The following MAGEE2 variants were observed in gnomAD, a reference collection of about 807,000 sequenced individuals.
MAGEE2 encodes melanoma-associated antigen E2.
For missense variants in MAGEE2, 508 were observed against 391.1 expected (o/e 1.30, Z -2.52); for synonymous variants, 189 against 155.4 (o/e 1.22, Z -1.61).
chrX:75,784,116 A>T lies in MAGEE2; in HGVS notation c.936T>A (p.Asn312Lys). Residue 312 changes from asparagine (N) to lysine (K), a missense_variant, in exon 1 of 1, where the codon AAT becomes AAA. By Grantham distance (94) the Asn-to-Lys change is moderately conservative (BLOSUM62 0). Transcript: ENST00000373359. The part of the protein sequence containing the change: ...GLEFWSEDTM[N>K]DKANDLVQLA... ...ACTGGACCAAATCATTTGCCTTATC[A>T]TTCATAGTGTCCTCCGACCAGAACT... The T allele has an allele frequency of 5.0e-6, 6 of 1,211,662 alleles. No homozygotes were observed. The highest frequency in any genetic ancestry group is 6.7e-6 in the Non-Finnish European group (6 of 895,605).
Position 75,784,346 on chromosome X carries a change from A to T in MAGEE2, c.706T>A (p.Leu236Met). Residue 236 changes from leucine (L) to methionine (M), a missense_variant, in exon 1 of 1, where the codon TTG becomes ATG. Coordinates refer to ENST00000373359, the MANE Select transcript of MAGEE2 (RefSeq NM_138703.5). The stretch of plus-strand genomic sequence containing the variant: ...GTGCCATACACCGGCCAGTACTCCA[A>T]GAATCGCATGCACACAAAGTCAGTA... ...LTTDFVCMRF[L>M]EYWPVYGTNP... 8.3e-7 allele frequency: 1 copy of T among 1,211,909 alleles called. No homozygotes were observed. The highest frequency in any genetic ancestry group is 1.1e-6 in the Non-Finnish European group (1 of 895,560).
rs753136353 is a variant in MAGEE2, at chrX:75,784,989, G to A, written c.63C>T (p.Asp21=). Residue 21 remains aspartate (D), a synonymous_variant, in exon 1 of 1, where the codon GAC becomes GAT. Transcript: ENST00000373359. ...TAGTAGCTTGTATTTCACCTCTGCC[G>A]TCGCCGTAATCTGCAGTGATCTCTG... ...CSAEITADYG[D]GRGEIQATNA... is the part of the protein sequence containing the mutation. 8 of 1,143,724 alleles carry A rather than the reference G, an allele frequency of 7.0e-6. No individual in the cohort carries two copies. Among genetic ancestry groups the A allele is most frequent in the Non-Finnish European group, 9.3e-6 (8 of 863,542 alleles). The allele number at this position is 1,143,724 out of a possible 1,213,427, so 94.3% of individuals were successfully genotyped here.
Position 75,783,498 on chromosome X carries a change from A to G in MAGEE2, c.1554T>C (p.Phe518=). The G allele has an allele frequency of 8.3e-7, 1 of 1,206,820 alleles. No homozygotes were observed. The highest frequency in any genetic ancestry group is 2.3e-4 in the Middle Eastern group (1 of 4,325). ...CTAGACTTCACGTGGGGTCAAGGAAAAACATGATAGTTGCCTCAGATTTGG... is the reference window on the plus strand; with the variant it reads ...CTAGACTTCACGTGGGGTCAAGGAAGAACATGATAGTTGCCTCAGATTTGG... ...ARAKSEATIM[F]FLDPT is the part of the protein sequence containing the mutation. The change falls in exon 1 of 1, where the codon TTT becomes TTC. Residue 518 remains phenylalanine (F), a synonymous_variant. Transcript: ENST00000373359.
Position 75,784,804 on chromosome X carries a change from C to G in MAGEE2, c.248G>C (p.Arg83Thr). 2 of 1,211,673 alleles carry G rather than the reference C, an allele frequency of 1.7e-6. No homozygotes were observed. Among genetic ancestry groups the G allele is most frequent in the South Asian group, 3.5e-5 (2 of 56,967 alleles). ...DEQSRRLGALRVHDPLEDRSI... is the reference protein window; with the variant it reads ...DEQSRRLGALTVHDPLEDRSI... Reference sequence around the variant, plus strand: ...CCTGTCTTCTAGAGGGTCATGGACCCTGAGCGCCCCCAAACGTCTGGACTG... The same window carrying G: ...CCTGTCTTCTAGAGGGTCATGGACCGTGAGCGCCCCCAAACGTCTGGACTG... The change falls in exon 1 of 1, where the codon AGG becomes ACG. Residue 83 changes from arginine to threonine, a missense_variant. Arg to Thr is a moderately conservative substitution (Grantham distance 71). Transcript: ENST00000373359.
Position 75,784,592 on chromosome X carries a change from A to G in MAGEE2, c.460T>C (p.Tyr154His). Residue 154 changes from tyrosine (Y) to histidine (H), a missense_variant, in exon 1 of 1, where the codon TAC becomes CAC. By Grantham distance (83) the Tyr-to-His change is moderately conservative. Transcript: ENST00000373359. ...LRVIDPQADTYNLVSKRGFQI... is the reference protein window; with the variant it reads ...LRVIDPQADTHNLVSKRGFQI... ...AAACCCCGTTTGCTGACTAAATTGT[A>G]GGTGTCAGCCTGAGGATCAATAACT... 8.3e-7 allele frequency: 1 copy of G among 1,210,178 alleles called. No homozygotes were observed. The highest frequency in any genetic ancestry group is 3.0e-5 in the East Asian group (1 of 33,750).
Position 75,783,408 on chromosome X carries a change from C to A in MAGEE2, c.*72G>T. The A allele has an allele frequency of 9.1e-7, 1 of 1,094,508 alleles. No homozygotes were observed. 90.2% of individuals were successfully genotyped at this position (1,094,508 alleles called of 1,213,427 possible). On this transcript the variant is annotated 3_prime_UTR_variant, in exon 1 of 1. Transcript: ENST00000373359. ...GCCCTACCTGGATTCTAATTTAGAG[C>A]CCCAATGCCTATTTTACCAAGGCAT...
chrX:75,784,878 A>T lies in MAGEE2; in HGVS notation c.174T>A (p.Thr58=). The change falls in exon 1 of 1, where the codon ACT becomes ACA. Residue 58 remains threonine (T), a synonymous_variant. Coordinates refer to ENST00000373359, the MANE Select transcript of MAGEE2 (RefSeq NM_138703.5). ...QAPINSQCVN[T]SQAVQDPNDL... ...CATTCGGGTCCTGAACGGCCTGGGA[A>T]GTGTTGACACACTGAGAGTTGATTG... 1 of 1,201,548 alleles carries T rather than the reference A, an allele frequency of 8.3e-7. No homozygotes were observed. The highest frequency in any genetic ancestry group is 1.7e-5 in the African/African-American group (1 of 57,505).
At position 75,785,081 on chromosome X, in the gene MAGEE2, A is replaced by G. The variant is rs2087881578; in HGVS notation, c.-30T>C. ...CCAGGAGACAGGAGCGGGAACGGTG[A>G]GATCAGCGATCAGTCGGAGAGAGGA... On this transcript the variant is annotated 5_prime_UTR_variant, in exon 1 of 1. Coordinates refer to ENST00000373359, the MANE Select transcript of MAGEE2 (RefSeq NM_138703.5). 9.0e-7 allele frequency: 1 copy of G among 1,113,615 alleles called. No individual in the cohort carries two copies. Among genetic ancestry groups the G allele is most frequent in the Admixed American group, 3.1e-5 (1 of 32,642 alleles). 91.8% of individuals were successfully genotyped at this position (1,113,615 alleles called of 1,213,427 possible).
chrX:75,783,831 G>T lies in MAGEE2; in HGVS notation c.1221C>A (p.Ile407=), dbSNP rs148755889. The stretch of plus-strand genomic sequence containing the variant: ...TGCCCATCAGGAAGATCAAACCTAG[G>T]ATTGGCATTACATATTCTTGAGTGG... ...GRPTQEYVMP[I]LGLIFLMGNR... Residue 407 remains isoleucine (I), a synonymous_variant, in exon 1 of 1, where the codon ATC becomes ATA. Transcript: ENST00000373359. 94 of 1,209,940 alleles carry T rather than the reference G, an allele frequency of 7.8e-5. No individual in the cohort carries two copies. The African/African-American group carries it at 1.5e-3, about 19-fold the overall frequency.
rs761869322 is a variant in MAGEE2, at chrX:75,784,962, G to T, written c.90C>A (p.Asn30Lys). The change falls in exon 1 of 1, where the codon AAC (asparagine) becomes AAA (lysine). Residue 30 changes from asparagine (N) to lysine (K), a missense_variant. Physicochemically the swap from Asn to Lys is moderately conservative, Grantham distance 94 (BLOSUM62 0). Transcript: ENST00000373359. ...GCATGGAGGTGGGGGACCCGGAGGC[G>T]TTAGTAGCTTGTATTTCACCTCTGC... Reference protein sequence around the residue: ...GDGRGEIQATNASGSPTSMLV... With the variant: ...GDGRGEIQATKASGSPTSMLV... The T allele has an allele frequency of 1.3e-5, 15 of 1,147,853 alleles. No individual in the cohort carries two copies. Among genetic ancestry groups the T allele is most frequent in the East Asian group, 3.0e-5 (1 of 33,237 alleles). The allele number at this position is 1,147,853 out of a possible 1,213,427, so 94.6% of individuals were successfully genotyped here.
In MAGEE2 at chrX:75,783,809, C is replaced by G. The variant is rs143850427; in HGVS notation, c.1243G>C (p.Gly415Arg). 8.3e-5 allele frequency: 100 copies of G among 1,209,879 alleles called. 4 individuals are homozygous for G. Among genetic ancestry groups the G allele is most frequent in the Non-Finnish European group, 5.6e-6 (5 of 895,238 alleles). Residue 415 changes from glycine to arginine, a missense_variant, in exon 1 of 1, where the codon GGC becomes CGC. By Grantham distance (125) the Gly-to-Arg change is moderately radical. Transcript: ENST00000373359. ...MPILGLIFLMGNRVKEANVWN... is the reference protein window; with the variant it reads ...MPILGLIFLMRNRVKEANVWN... ...ACATTGGCCTCTTTGACACGGTTGC[C>G]CATCAGGAAGATCAAACCTAGGATT...
chrX:75,783,437 T>A lies in MAGEE2; in HGVS notation c.*43A>T. On this transcript the variant is annotated 3_prime_UTR_variant, in exon 1 of 1. Transcript: ENST00000373359. ...AATGCCTATTTTACCAAGGCATCTT[T>A]AACTTATGCCACTCAGCTGAAGTGA... 8.7e-7 allele frequency: 1 copy of A among 1,154,553 alleles called. No individual in the cohort carries two copies. The highest frequency in any genetic ancestry group is 3.0e-5 in the East Asian group (1 of 33,267).
chrX:75,783,394 A>G lies in MAGEE2; in HGVS notation c.*86T>C, dbSNP rs866983372. 9.6e-5 allele frequency: 101 copies of G among 1,049,540 alleles called. No homozygotes were observed. In the African/African-American group the frequency reaches 1.8e-3, roughly 18 times the overall value. The allele number at this position is 1,049,540 out of a possible 1,213,427, so 86.5% of individuals were successfully genotyped here. On this transcript the variant is annotated 3_prime_UTR_variant, in exon 1 of 1. Coordinates refer to ENST00000373359, the MANE Select transcript of MAGEE2 (RefSeq NM_138703.5). ...TACTTCCCACACAAGCCCTACCTGGATTCTAATTTAGAGCCCCAATGCCTA... is the reference window on the plus strand; with the variant it reads ...TACTTCCCACACAAGCCCTACCTGGGTTCTAATTTAGAGCCCCAATGCCTA...
chrX:75,784,306 A>G lies in MAGEE2; in HGVS notation c.746T>C (p.Phe249Ser), dbSNP rs2087871144. 1 of 1,211,806 alleles carries G rather than the reference A, an allele frequency of 8.3e-7. No individual in the cohort carries two copies. Among genetic ancestry groups the G allele is most frequent in the Non-Finnish European group, 1.1e-6 (1 of 895,514 alleles). ...WPVYGTNPLEFEFLWGSRAHR... is the reference protein window; with the variant it reads ...WPVYGTNPLESEFLWGSRAHR... Reference sequence around the variant, plus strand: ...GGCTCTAGAGCCCCACAAGAACTCAAACTCAAGGGGATTAGTGCCATACAC... The same window carrying G: ...GGCTCTAGAGCCCCACAAGAACTCAGACTCAAGGGGATTAGTGCCATACAC... Residue 249 changes from phenylalanine (F) to serine (S), a missense_variant, in exon 1 of 1, where the codon TTT becomes TCT. Physicochemically the swap from Phe to Ser is radical, Grantham distance 155. Transcript: ENST00000373359.
chrX:75,784,667 G>C lies in MAGEE2; in HGVS notation c.385C>G (p.Leu129Val). ...TCCAGGTGAGCTGAGGCTCGTCTGAGGATCTCAGGGAACTGATCTGAGTAC... is the reference window on the plus strand; with the variant it reads ...TCCAGGTGAGCTGAGGCTCGTCTGACGATCTCAGGGAACTGATCTGAGTAC... Reference protein sequence around the residue: ...REYSDQFPEILRRASAHLDQV... With the variant: ...REYSDQFPEIVRRASAHLDQV... Residue 129 changes from leucine (L) to valine (V), a missense_variant, in exon 1 of 1, where the codon CTC becomes GTC. Physicochemically the swap from Leu to Val is conservative, Grantham distance 32 (BLOSUM62 1). Transcript: ENST00000373359. 2 of 1,211,321 alleles carry C rather than the reference G, an allele frequency of 1.7e-6. No individual in the cohort carries two copies. The highest frequency in any genetic ancestry group is 2.2e-6 in the Non-Finnish European group (2 of 895,273).
At position 75,784,099 on chromosome X, in the gene MAGEE2, A is replaced by G; in HGVS notation, c.953T>C (p.Leu318Ser). Residue 318 changes from leucine to serine, a missense_variant, in exon 1 of 1, where the codon TTG (leucine) becomes TCG (serine). By Grantham distance (145) the Leu-to-Ser change is moderately radical. Coordinates refer to ENST00000373359, the MANE Select transcript of MAGEE2 (RefSeq NM_138703.5). ...AGTGACACTAATAGCCAACTGGACC[A>G]AATCATTTGCCTTATCATTCATAGT... Reference protein sequence around the residue: ...EDTMNDKANDLVQLAISVTEE... With the variant: ...EDTMNDKANDSVQLAISVTEE... 8.3e-7 allele frequency: 1 copy of G among 1,211,424 alleles called. No individual in the cohort carries two copies. The highest frequency in any genetic ancestry group is 1.1e-6 in the Non-Finnish European group (1 of 895,618).
Position 75,784,601 on chromosome X carries a change from C to T in MAGEE2, c.451G>A (p.Ala151Thr), listed in dbSNP as rs2087875026. ...GLNLRVIDPQ[A>T]DTYNLVSKRG... ...TTGCTGACTAAATTGTAGGTGTCAG[C>T]CTGAGGATCAATAACTCTCAGGTTC... The change falls in exon 1 of 1, where the codon GCT becomes ACT. Residue 151 changes from alanine to threonine, a missense_variant. Coordinates refer to ENST00000373359, the MANE Select transcript of MAGEE2 (RefSeq NM_138703.5). 1 of 1,210,023 alleles carries T rather than the reference C, an allele frequency of 8.3e-7. No homozygotes were observed. Among genetic ancestry groups the T allele is most frequent in the Non-Finnish European group, 1.1e-6 (1 of 894,655 alleles).
rs776856584 is a variant in MAGEE2, at chrX:75,784,573, C to A, written c.479G>T (p.Arg160Leu). The A allele has an allele frequency of 9.9e-6, 12 of 1,208,007 alleles. No homozygotes were observed. The African/African-American group carries it at 1.9e-4, about 19-fold the overall frequency. Reference protein sequence around the residue: ...QADTYNLVSKRGFQITDRIAE... With the variant: ...QADTYNLVSKLGFQITDRIAE... ...TATCCTATCGGTGATCTGGAAACCC[C>A]GTTTGCTGACTAAATTGTAGGTGTC... is the stretch of plus-strand genomic sequence containing the variant. The change falls in exon 1 of 1, where the codon CGG (arginine) becomes CTG (leucine). Residue 160 changes from arginine (R) to leucine (L), a missense_variant. Coordinates refer to ENST00000373359, the MANE Select transcript of MAGEE2 (RefSeq NM_138703.5).
In MAGEE2 at chrX:75,783,904, TGCTGG is replaced by T. The variant is rs767430094; in HGVS notation, c.1143_1147del (p.Gln382ThrfsTer48). ...CACTTGCTCTTCCTCTGATTCTGGTTGCTGGACAAGGAGGTAGATGTGCTCACTGG... is the reference window on the plus strand; with the variant it reads ...CACTTGCTCTTCCTCTGATTCTGGTTACAAGGAGGTAGATGTGCTCACTGG... On this transcript the variant is annotated frameshift_variant, in exon 1 of 1. Coordinates refer to ENST00000373359, the MANE Select transcript of MAGEE2 (RefSeq NM_138703.5). LOFTEE classifies it low-confidence loss of function (END_TRUNC). 5.0e-6 allele frequency: 6 copies of T among 1,210,143 alleles called. No homozygotes were observed. In the African/African-American group the frequency reaches 8.7e-5, roughly 18 times the overall value.
Sources: gnomAD v4.1 joint callset for allele counts on GRCh38, gnomAD v4.1.1 for gene constraint, MANE v1.5 for transcripts, NCBI Gene and HGNC (gene_info 2026-07-23, HGNC 2026-07-21) for gene names.